TRAPPC12: variants seen among roughly 807,000 people sequenced by gnomAD.
The protein encoded by TRAPPC12 is trafficking protein particle complex subunit 12, also known as TPR repeat protein 15.
A neutral mutation model predicts 69.2 loss-of-function variants in TRAPPC12; 61 were observed. The ratio of observed to expected loss-of-function variants is 0.88; its 90% CI spans 0.72 to 1.09. TRAPPC12 has a LOEUF of 1.09. Ranked by LOEUF, TRAPPC12 falls within the 50% of genes least tolerant of loss-of-function variation. The pLI, the probability that TRAPPC12 is intolerant of heterozygous loss-of-function variation, is 0.00. For synonymous variants in TRAPPC12, 469 were observed against 438.9 expected, an observed-to-expected ratio of 1.07 and a Z score of -0.86; for missense variants, 1,101 against 1,016.4, an observed-to-expected ratio of 1.08 and a Z score of -1.13.
chr2:3,468,777 C>T (rs1000926569), intron 9 of TRAPPC12, among the ~76,000 whole-genome samples: 1 of 147,458 alleles, frequency 6.8e-6, no homozygotes, highest in Non-Finnish European at 1.5e-5. Flanking sequence ...TCCCCACGCA[C>T]GTATCCGGAC....
At chr2:3,465,554 G>C (rs1445759642) in intron 8 of TRAPPC12, 43 bp from the exon 9 acceptor site, 3 of 1,355,566 alleles carry the variant, frequency 2.2e-6, no homozygotes, top group Non-Finnish European at 2.1e-6. Flanking sequence ...AACCCACAGT[G>C]CTGTTCTCAG....
At chr2:3,389,942 T>G (rs1660736719) in intron 2 of TRAPPC12, among the ~76,000 whole-genome samples, 1 of 151,682 alleles carries the variant, frequency 6.6e-6, no homozygotes, top group Non-Finnish European at 1.5e-5. Flanking sequence ...ATTGTGAGTA[T>G]GCAAAAAAGA....
At chr2:3,475,056 T>G (rs1320958910) in intron 9 of TRAPPC12, among the ~76,000 whole-genome samples, 1 of 152,232 alleles carries the variant, frequency 6.6e-6, no homozygotes, top group Non-Finnish European at 1.5e-5. Flanking sequence ...TTTACATTTC[T>G]GTTTATGCTT....
chr2:3,409,499 A>G lies in TRAPPC12; in HGVS notation c.1164+7606A>G, dbSNP rs183177991. 5.9e-3 allele frequency among the ~76,000 whole-genome samples: 902 copies of G among 152,252 alleles called. 3 individuals are homozygous for G. Among genetic ancestry groups the G allele is most frequent in the Middle Eastern group, 0.014 (4 of 294 alleles). ...ACAATGGCTCATGCCTGCAATCCCA[A>G]CACTTTTGGGAGGCTGAGGTAGGAG... On this transcript the variant is annotated intron_variant, in intron 3 of 11. Coordinates refer to ENST00000324266, the MANE Select transcript of TRAPPC12 (RefSeq NM_016030.6).
Position 3,404,654 on chromosome 2 carries a change from G to A in TRAPPC12, c.1164+2761G>A, listed in dbSNP as rs929164838. On this transcript the variant is annotated intron_variant, in intron 3 of 11. Coordinates refer to ENST00000324266, the MANE Select transcript of TRAPPC12 (RefSeq NM_016030.6). ...AAATTAAAAATCTGTAATAAACACC[G>A]TGACAGTCAGGAAGCGTGTCTTGTT... 7.2e-5 allele frequency among the ~76,000 whole-genome samples: 11 copies of A among 152,208 alleles called. No individual in the cohort carries two copies. In the East Asian group the frequency reaches 7.7e-4, roughly 11 times the overall value.
In TRAPPC12 at chr2:3,414,228, A is replaced by G. The variant is rs1342070719; in HGVS notation, c.1165-7653A>G. Among the ~76,000 whole-genome samples, 2 of 152,278 alleles carry G rather than the reference A, an allele frequency of 1.3e-5. No homozygotes were observed. Among genetic ancestry groups the G allele is most frequent in the African/African-American group, 2.4e-5 (1 of 41,542 alleles). ...TAATTATATTTCCATCAGCAGTAGGACTGCAGATTCAGCTCATTCAGTTTG... is the reference window on the plus strand; with the variant it reads ...TAATTATATTTCCATCAGCAGTAGGGCTGCAGATTCAGCTCATTCAGTTTG... On this transcript the variant is annotated intron_variant, in intron 3 of 11. Transcript: ENST00000324266. The surrounding 1 kb of genome is among the most constrained non-coding windows in gnomAD (Gnocchi z 4.9).
intron 6 of TRAPPC12, among the ~76,000 whole-genome samples, chr2:3,452,856 T>C (rs1664924720): frequency 6.6e-6 from 1 of 152,272 alleles, no homozygotes; most frequent in South Asian, 2.1e-4. Flanking sequence ...GTTTAATTTC[T>C]GGTTGCTTCT....
intron 1 of TRAPPC12, among the ~76,000 whole-genome samples, chr2:3,384,920 T>C (rs1316537158): frequency 6.6e-6 from 1 of 152,222 alleles, no homozygotes; most frequent in Non-Finnish European, 1.5e-5. Context: ...GGTTATACTT[T>C]TTTTATGGTT....
At chr2:3,447,689 A>C (rs896932542) in intron 6 of TRAPPC12, among the ~76,000 whole-genome samples, 4 of 152,128 alleles carry the variant, frequency 2.6e-5, no homozygotes, top group Non-Finnish European at 4.4e-5. Flanking sequence ...ACTATATCAT[A>C]GTGCAAAATC....
chr2:3,393,936 G>T (rs1177520371), intron 2 of TRAPPC12, among the ~76,000 whole-genome samples: 2 of 152,248 alleles, frequency 1.3e-5, no homozygotes, highest in East Asian at 3.8e-4. Flanking sequence ...TCTGTAAAAT[G>T]AAAGGTTTTG....
rs569050873 is a variant in TRAPPC12, at chr2:3,424,600, G to A, written c.1354G>A (p.Gly452Arg). 1.5e-5 allele frequency: 25 copies of A among 1,614,002 alleles called. No individual in the cohort carries two copies. In the East Asian group the frequency reaches 3.1e-4, roughly 20 times the overall value. Reference protein sequence around the residue: ...QNAEMEFEPFGNLDQPDLYYE... With the variant: ...QNAEMEFEPFRNLDQPDLYYE... ...TGCTGAGATGGAATTTGAACCCTTC[G>A]GAAATCTTGATCAGCCAGATCTTTA... The change falls in exon 5 of 12, where the codon GGA becomes AGA. Residue 452 changes from glycine (G) to arginine (R), a missense_variant. Transcript: ENST00000324266.
chr2:3,433,658 TCTC>T (rs1663589424), intron 5 of TRAPPC12, among the ~76,000 whole-genome samples: 1 of 152,206 alleles, frequency 6.6e-6, no homozygotes, highest in Non-Finnish European at 1.5e-5. Context: ...CTGGCACATT[TCTC>T]TTTTCTATAG....
At chr2:3,444,804 C>T (rs1389977773) in intron 6 of TRAPPC12, among the ~76,000 whole-genome samples, 3 of 152,148 alleles carry the variant, frequency 2.0e-5, no homozygotes, top group African/African-American at 7.2e-5. Flanking sequence ...AAAAAACAGG[C>T]GTTTCTAGGC....
At chr2:3,402,118 A>G (rs746444950) in intron 3 of TRAPPC12, among the ~76,000 whole-genome samples, 15 of 152,352 alleles carry the variant, frequency 9.8e-5, no homozygotes, top group Non-Finnish European at 1.6e-4. Context: ...GAAATGATCA[A>G]ATTACTCAAA....
chr2:3,448,461 C>G (rs986262442), intron 6 of TRAPPC12, among the ~76,000 whole-genome samples: 3 of 152,214 alleles, frequency 2.0e-5, no homozygotes, highest in Non-Finnish European at 4.4e-5. Flanking sequence ...TCAGTAGATT[C>G]AGGGAACTGT....
chr2:3,403,237 T>TC, intron 3 of TRAPPC12, among the ~76,000 whole-genome samples: 1 of 149,656 alleles, frequency 6.7e-6, no homozygotes, highest in Non-Finnish European at 1.5e-5. Context: ...CCAATTTTTT[T>TC]TTTTTTTTTT....
At chr2:3,417,539 G>A (rs996474236) in intron 3 of TRAPPC12, among the ~76,000 whole-genome samples, 1 of 152,156 alleles carries the variant, frequency 6.6e-6, no homozygotes, top group Non-Finnish European at 1.5e-5. Flanking sequence ...GTGACCTGAT[G>A]TTGGAAACTT....
intron 9 of TRAPPC12, among the ~76,000 whole-genome samples, chr2:3,469,614 C>CA (rs1261479901): frequency 2.0e-5 from 3 of 152,218 alleles, no homozygotes; most frequent in African/African-American, 7.2e-5. Flanking sequence ...CCTGGCATCT[C>CA]AGAGTCTTGT....
intron 5 of TRAPPC12, among the ~76,000 whole-genome samples, chr2:3,425,304 C>T (rs1040272521): frequency 1.3e-5 from 2 of 152,178 alleles, no homozygotes; most frequent in African/African-American, 4.8e-5. Flanking sequence ...TGTTTGAAGC[C>T]TCTCATGTGT....
Sources: allele counts gnomAD v4.1 joint callset (sites outside exome capture counted in the v4.1 genomes callset), GRCh38; gene constraint gnomAD v4.1.1; non-coding constraint Gnocchi (gnomAD v3.1); transcripts MANE v1.5; gene names NCBI Gene and HGNC (gene_info 2026-07-23, HGNC 2026-07-21).